BEAN1: variants seen among roughly 807,000 people sequenced by gnomAD.
BEAN1 encodes the protein protein BEAN1.
A neutral mutation model predicts 17.7 loss-of-function variants in BEAN1; 17 were observed. The observed-to-expected ratio is 0.96, with a 90% CI of 0.66 to 1.44. BEAN1 has a LOEUF of 1.44. Ranked by LOEUF, BEAN1 falls within the 40% of genes most tolerant of loss-of-function variation. The pLI is 0.00. For missense variants in BEAN1, 359 were observed against 374.1 expected, an observed-to-expected ratio of 0.96 and a Z score of 0.33; for synonymous variants, 142 against 151.8, an observed-to-expected ratio of 0.94 and a Z score of 0.47.
intron 4 of BEAN1, among the ~76,000 whole-genome samples, chr16:66,492,337 C>T (rs111855644): frequency 3.3e-5 from 5 of 151,876 alleles, no homozygotes; most frequent in Non-Finnish European, 5.9e-5. Context: ...CAGTCACACT[C>T]GGCCCCTACC....
chr16:66,467,254 C>T (rs953328985), intron 2 of BEAN1, among the ~76,000 whole-genome samples: 1 of 152,150 alleles, frequency 6.6e-6, no homozygotes, highest in Non-Finnish European at 1.5e-5. Context: ...GGCAGATTAG[C>T]ATCTGTATTA....
At chr16:66,431,854 T>C (rs564599145) in intron 1 of BEAN1, among the ~76,000 whole-genome samples, 1 of 152,150 alleles carries the variant, frequency 6.6e-6, no homozygotes, top group South Asian at 2.1e-4. Flanking sequence ...TGTCCCAGGC[T>C]GGAGTGCAGT....
chr16:66,428,814 A>C (rs1334020310), intron 1 of BEAN1, among the ~76,000 whole-genome samples: 1 of 152,122 alleles, frequency 6.6e-6, no homozygotes, highest in African/African-American at 2.4e-5. Context: ...CCCTCCAAGG[A>C]GGCCTTTGAA....
At chr16:66,484,420 C>T (rs1964055923), downstream of BEAN1, 2 of 361,854 alleles carry the variant, frequency 5.5e-6, no homozygotes, top group Admixed American at 3.7e-5. The surrounding 1 kb of genome is among the most constrained non-coding windows in gnomAD (Gnocchi z 4.2). Context: ...CCTCCATCCA[C>T]GACATGCCCT....
intron 4 of BEAN1, among the ~76,000 whole-genome samples, chr16:66,490,239 A>T (rs1237713303): frequency 6.8e-6 from 1 of 146,680 alleles, no homozygotes; most frequent in Non-Finnish European, 1.5e-5. Flanking sequence ...AAAAAAAAAA[A>T]AAAAAAAATT....
chr16:66,489,485 C>T (rs1964135809), intron 4 of BEAN1, among the ~76,000 whole-genome samples: 1 of 152,120 alleles, frequency 6.6e-6, no homozygotes, highest in African/African-American at 2.4e-5. Context: ...ACAGGGAAGC[C>T]AAGGGGTGGC....
At chr16:66,493,297 A>G in exon 5 of BEAN1, 1 of 701,584 alleles carries the variant, frequency 1.4e-6, no homozygotes, top group South Asian at 1.5e-5. Flanking sequence ...CCGGGGGACC[A>G]CAGCAAGGTC....
chr16:66,477,460 G>A lies in BEAN1; in HGVS notation c.290-100G>A, dbSNP rs1549611. On this transcript the variant is annotated intron_variant, in intron 3 of 4. Coordinates refer to ENST00000536005, the MANE Select transcript of BEAN1 (RefSeq NM_001178020.3). ...TGGTGAGGAGAGGAGTGGTCAGGTG[G>A]GGAATCAGAGCCTCCATGGCCCCAG... 1.7e-4 allele frequency: 206 copies of A among 1,245,272 alleles called. No individual in the cohort carries two copies. The African/African-American group carries it at 3.0e-3, about 18-fold the overall frequency. The allele number at this position is 1,245,272 out of a possible 1,614,324, so 77.1% of individuals were successfully genotyped here.
intron 3 of BEAN1, among the ~76,000 whole-genome samples, chr16:66,472,398 G>T (rs1276030834): frequency 2.0e-5 from 3 of 152,254 alleles, no homozygotes; most frequent in Non-Finnish European, 4.4e-5. Context: ...AGATGTAGTT[G>T]CCCCCTTTAA....
intron 2 of BEAN1, among the ~76,000 whole-genome samples, chr16:66,448,214 T>C (rs1380989742): frequency 4.5e-5 from 4 of 89,652 alleles, no homozygotes; most frequent in East Asian, 2.4e-4. Flanking sequence ...GGGTTTGCTG[T>C]TGTTGTTGTT....
At chr16:66,490,827 C>T (rs1333000041) in intron 4 of BEAN1, among the ~76,000 whole-genome samples, 1 of 152,218 alleles carries the variant, frequency 6.6e-6, no homozygotes, top group Non-Finnish European at 1.5e-5. Context: ...GGGAGGGGCC[C>T]GGTCACCCTC....
downstream of BEAN1, chr16:66,484,565 A>T: frequency 2.2e-6 from 1 of 453,980 alleles, no homozygotes; most frequent in Admixed American, 2.3e-5. This position sits in a 1 kb window ranked among gnomAD's most constrained non-coding sequence, Gnocchi z 4.2. Context: ...AGGAGATGGA[A>T]GGTGAAGCTG....
intron 3 of BEAN1, among the ~76,000 whole-genome samples, chr16:66,474,105 C>T (rs1017286799): frequency 9.8e-5 from 15 of 152,294 alleles, no homozygotes; most frequent in African/African-American, 2.6e-4. Flanking sequence ...GCCTGATTTC[C>T]TACTTCCTAT....
intron 2 of BEAN1, among the ~76,000 whole-genome samples, chr16:66,461,934 C>T (rs1006607423): frequency 2.0e-5 from 3 of 152,110 alleles, no homozygotes; most frequent in Admixed American, 6.5e-5. Flanking sequence ...GCAGGGAGAA[C>T]CGGGATCATG....
At chr16:66,451,402 C>T (rs1437673360) in intron 2 of BEAN1, 1 of 152,194 alleles carries the variant, frequency 6.6e-6, no homozygotes, top group Non-Finnish European at 1.5e-5. Context: ...CTCAGCCCTC[C>T]ACCACTTTGC....
At chr16:66,484,661 A>G (rs1410607226), downstream of BEAN1, 38 of 453,992 alleles carry the variant, frequency 8.4e-5, no homozygotes, top group Admixed American at 3.8e-4. The surrounding 1 kb of genome is among the most constrained non-coding windows in gnomAD (Gnocchi z 4.2). Context: ...AAGTGTTCCC[A>G]GGAGTACCAG....
In BEAN1 at chr16:66,427,690, T is replaced by C. The variant is rs1961632910; in HGVS notation, c.-83+259T>C. ...CTGCGCGAGCCGAGGCTGACCCTGA[T>C]CGCGCCCTCGGGCCTCGGGGAAGGG... On this transcript the variant is annotated intron_variant, in intron 1 of 4. Coordinates refer to ENST00000536005, the MANE Select transcript of BEAN1 (RefSeq NM_001178020.3). The surrounding 1 kb of genome is among the most constrained non-coding windows in gnomAD (Gnocchi z 4.7). The C allele has an allele frequency of 6.6e-6, 1 of 151,992 alleles. No homozygotes were observed. Among genetic ancestry groups the C allele is most frequent in the Non-Finnish European group, 1.5e-5 (1 of 68,004 alleles). The allele number at this position is 151,992 out of a possible 1,614,324, so 9.4% of individuals were successfully genotyped here.
At chr16:66,478,571 C>T (rs1963858967) in intron 4 of BEAN1, among the ~76,000 whole-genome samples, 1 of 152,158 alleles carries the variant, frequency 6.6e-6, no homozygotes, top group Non-Finnish European at 1.5e-5. Flanking sequence ...CACTGCACTC[C>T]AGCCTTAGCG....
chr16:66,458,999 T>C (rs1962979781), intron 2 of BEAN1, among the ~76,000 whole-genome samples: 1 of 152,208 alleles, frequency 6.6e-6, no homozygotes, highest in Non-Finnish European at 1.5e-5. Context: ...ACCACGGCTG[T>C]CTCTGAAGGC....
Sources: allele counts gnomAD v4.1 joint callset (sites outside exome capture counted in the v4.1 genomes callset), GRCh38; gene constraint gnomAD v4.1.1; non-coding constraint Gnocchi (gnomAD v3.1); transcripts MANE v1.5; gene names NCBI Gene and HGNC (gene_info 2026-07-23, HGNC 2026-07-21).